TBC1D10A: variants seen among roughly 807,000 people sequenced by gnomAD.
TBC1D10A encodes TBC1 domain family member 10A, also known as EBP50-PDX interactor of 64 kDa.
Under a neutral mutation model 52.9 loss-of-function variants are expected in TBC1D10A, and 24 were observed. The ratio of observed to expected loss-of-function variants is 0.45; its 90% confidence interval spans 0.33 to 0.64. The LOEUF (loss-of-function observed/expected upper bound fraction) is 0.64, where lower values mean the gene tolerates loss of function less well. TBC1D10A is among the 30% of genes least tolerant of loss of function. The probability of loss-of-function intolerance (pLI) is 0.02; values close to 1 mark genes in which losing one functional copy is unlikely to be tolerated. For missense variants in TBC1D10A, 602 were observed against 687.9 expected, an observed-to-expected ratio of 0.88 and a Z score of 1.40; for synonymous variants, 278 against 282.9, an observed-to-expected ratio of 0.98 and a Z score of 0.17.
chr22:30,292,922 G>T, intron 8 of TBC1D10A, 71 bp from the exon 9 acceptor site: 3 of 1,547,266 alleles, frequency 1.9e-6, no homozygotes, highest in East Asian at 2.2e-5. Flanking sequence ...CCCAGCCTGG[G>T]CCCCCAGTCT....
At chr22:30,322,219 G>T (rs1008738050) in intron 1 of TBC1D10A, among the ~76,000 whole-genome samples, 1 of 151,984 alleles carries the variant, frequency 6.6e-6, no homozygotes, top group Admixed American at 6.6e-5. Flanking sequence ...GACCTCAAAT[G>T]ATCTGCCCAC....
chr22:30,295,610 A>G, intron 4 of TBC1D10A, 127 bp downstream of exon 4: 1 of 878,404 alleles, frequency 1.1e-6, no homozygotes, highest in Non-Finnish European at 1.8e-6. Flanking sequence ...AACCAAAAAA[A>G]GGGAAATGCT....
intron 1 of TBC1D10A, among the ~76,000 whole-genome samples, chr22:30,305,024 C>G (rs1930282816): frequency 6.6e-6 from 1 of 152,226 alleles, no homozygotes; most frequent in African/African-American, 2.4e-5. Context: ...AACACAAAAA[C>G]TAGTCAAACG....
chr22:30,310,746 G>A (rs889858311), intron 1 of TBC1D10A, among the ~76,000 whole-genome samples: 4 of 152,186 alleles, frequency 2.6e-5, no homozygotes, highest in Non-Finnish European at 4.4e-5. Context: ...CTAAGATTCA[G>A]CACAGTGGAG....
intron 1 of TBC1D10A, among the ~76,000 whole-genome samples, chr22:30,320,253 C>T (rs1930625167): frequency 6.6e-6 from 1 of 152,154 alleles, no homozygotes; most frequent in Non-Finnish European, 1.5e-5. Context: ...TCTGGCCATG[C>T]TTCCAGGACC....
chr22:30,295,183 G>A (rs1186158628), intron 4 of TBC1D10A, 128 bp from the exon 5 acceptor site: 2 of 885,370 alleles, frequency 2.3e-6, no homozygotes, highest in Non-Finnish European at 3.5e-6. Flanking sequence ...TGATCTGCTT[G>A]TGGTCACCAA....
chr22:30,304,480 C>T (rs1029305146), intron 2 of TBC1D10A, 51 bp downstream of exon 2: 1 of 1,612,016 alleles, frequency 6.2e-7, no homozygotes, highest in African/African-American at 1.3e-5. Context: ...TCTTCCTCCT[C>T]CTCCCCAAGC....
chr22:30,311,103 C>T (rs569904870), intron 1 of TBC1D10A, among the ~76,000 whole-genome samples: 4 of 152,308 alleles, frequency 2.6e-5, no homozygotes, highest in African/African-American at 4.8e-5. Context: ...AAAGGCTGAC[C>T]TGTTTTGCAT....
intron 1 of TBC1D10A, among the ~76,000 whole-genome samples, chr22:30,322,472 A>G (rs1270803987): frequency 6.6e-6 from 1 of 152,134 alleles, no homozygotes; most frequent in Non-Finnish European, 1.5e-5. Context: ...AGTAGGCTCA[A>G]AAGACAGACA....
chr22:30,322,295 A>G (rs971038961), intron 1 of TBC1D10A, among the ~76,000 whole-genome samples: 1 of 151,960 alleles, frequency 6.6e-6, no homozygotes, highest in Admixed American at 6.6e-5. Flanking sequence ...CTGGGCTTCA[A>G]TGCCCCACTC....
intron 1 of TBC1D10A, among the ~76,000 whole-genome samples, chr22:30,308,764 A>G (rs148698496): frequency 2.6e-5 from 4 of 152,304 alleles, no homozygotes; most frequent in African/African-American, 4.8e-5. Context: ...GGCTTTCTCC[A>G]TGACATCATT....
Position 30,292,682 on chromosome 22 carries a change from G to T in TBC1D10A, c.1220C>A (p.Ser407Ter). Reference sequence around the variant, plus strand: ...ATCTAGGGGCAGGCGGATGGATGGTGAAGGTTGTAGGGCAGGCCGGGGACC... The same window carrying T: ...ATCTAGGGGCAGGCGGATGGATGGTTAAGGTTGTAGGGCAGGCCGGGGACC... ...EPGPRPALQPSPSIRLPLDAP... is the reference protein window; with the variant it reads ...EPGPRPALQP Residue 407 changes from serine (S) to a stop codon, truncating the protein, a stop_gained, in exon 9 of 9, where the codon TCA becomes TAA. Coordinates refer to ENST00000215790, the MANE Select transcript of TBC1D10A (RefSeq NM_031937.3). LOFTEE classifies it low-confidence loss of function (END_TRUNC). 6.2e-7 allele frequency: 1 copy of T among 1,609,164 alleles called. No individual in the cohort carries two copies.
chr22:30,325,842 G>A (rs1404315243), intron 1 of TBC1D10A, among the ~76,000 whole-genome samples: 2 of 152,178 alleles, frequency 1.3e-5, no homozygotes, highest in Non-Finnish European at 1.5e-5. Context: ...TTGGGAGGAG[G>A]CGCATACATA....
At chr22:30,308,747 C>T (rs981690030) in intron 1 of TBC1D10A, among the ~76,000 whole-genome samples, 2 of 152,210 alleles carry the variant, frequency 1.3e-5, no homozygotes, top group Non-Finnish European at 2.9e-5. Flanking sequence ...TCAACAGCTG[C>T]CTGCCTGGCT....
intron 2 of TBC1D10A, among the ~76,000 whole-genome samples, 189 bp downstream of exon 2, chr22:30,304,342 T>C (rs1030150277): frequency 3.3e-5 from 5 of 152,164 alleles, no homozygotes; most frequent in Admixed American, 6.5e-5. Context: ...TCTGAAGTCA[T>C]TGTGTTAGGG....
intron 1 of TBC1D10A, among the ~76,000 whole-genome samples, chr22:30,321,217 C>G (rs958292431): frequency 6.6e-6 from 1 of 152,156 alleles, no homozygotes; most frequent in Non-Finnish European, 1.5e-5. Flanking sequence ...GATATTCCTT[C>G]GAGGCTAAGA....
chr22:30,325,717 C>G (rs1930754406), intron 1 of TBC1D10A, among the ~76,000 whole-genome samples: 1 of 152,156 alleles, frequency 6.6e-6, no homozygotes. Context: ...CCACATTTCT[C>G]TGTCTGCTAG....
chr22:30,326,835 C>A lies in TBC1D10A; in HGVS notation c.47G>T (p.Gly16Val). ...GENGPRAPAA[G>V]ESLSGTRESL... Reference sequence around the variant, plus strand: ...CTCCCGGGTTCCCGACAGGCTTTCCCCGGCCGCGGGCGCGCGCGGCCCATT... The same window carrying A: ...CTCCCGGGTTCCCGACAGGCTTTCCACGGCCGCGGGCGCGCGCGGCCCATT... The change falls in exon 1 of 9, where the codon GGG (glycine) becomes GTG (valine). Residue 16 changes from glycine (G) to valine (V), a missense_variant. Gly to Val is a moderately radical substitution (Grantham distance 109, BLOSUM62 -3). Coordinates refer to ENST00000215790, the MANE Select transcript of TBC1D10A (RefSeq NM_031937.3). 1.4e-6 allele frequency: 2 copies of A among 1,475,848 alleles called. No individual in the cohort carries two copies. Among genetic ancestry groups the A allele is most frequent in the Non-Finnish European group, 8.9e-7 (1 of 1,120,740 alleles). The allele number at this position is 1,475,848 out of a possible 1,614,324, so 91.4% of individuals were successfully genotyped here.
intron 1 of TBC1D10A, chr22:30,318,721 C>T (rs1328958828): frequency 2.1e-6 from 1 of 470,958 alleles, no homozygotes; most frequent in Admixed American, 2.3e-5. Flanking sequence ...CCTCTTTATC[C>T]TCACTGCTCC....
Sources: allele counts gnomAD v4.1 joint callset (sites outside exome capture counted in the v4.1 genomes callset), GRCh38; gene constraint gnomAD v4.1.1; transcripts MANE v1.5; gene names NCBI Gene and HGNC (gene_info 2026-07-23, HGNC 2026-07-21).